The following FUT8 variants were observed in gnomAD, a reference collection of about 807,000 sequenced individuals.
FUT8 encodes the protein fucosyltransferase 8.
A neutral mutation model predicts 71.3 loss-of-function variants in FUT8; 29 were observed. That is an observed-to-expected ratio of 0.41 (90% CI 0.30 to 0.55). The LOEUF is 0.55. FUT8 is among the 20% of genes least tolerant of loss of function. FUT8 has a pLI of 0.34. For missense variants in FUT8, 544 were observed against 702.1 expected (o/e 0.77, Z 2.55); for synonymous variants, 254 against 239.3 (o/e 1.06, Z -0.57).
Position 65,616,470 on chromosome 14 carries a change from A to T in FUT8, c.482+97A>T, listed in dbSNP as rs1889291645. On this transcript the variant is annotated intron_variant, in intron 5 of 10. Coordinates refer to ENST00000673929, the MANE Select transcript of FUT8 (RefSeq NM_001371533.1). ...TTAATCCATCTGTTGAGTGGTAAAT[A>T]TTAATAGCACCTACAATATTTAAGA... The T allele has an allele frequency of 4.8e-6, 5 of 1,050,738 alleles. 1 individual carries two copies. Among genetic ancestry groups the T allele is most frequent in the South Asian group, 4.1e-5 (2 of 49,088 alleles). 65.1% of individuals were successfully genotyped at this position (1,050,738 alleles called of 1,614,324 possible).
In FUT8 at chr14:65,618,249, T is replaced by C. The variant is rs73286182; in HGVS notation, c.482+1876T>C. On this transcript the variant is annotated intron_variant, in intron 5 of 10. Coordinates refer to ENST00000673929, the MANE Select transcript of FUT8 (RefSeq NM_001371533.1). ...AATTATTTTGTAAATAATAATATAA[T>C]TTGTTTATATAACTCGCATATGTTT... Among the ~76,000 whole-genome samples the C allele has an allele frequency of 9.3e-3, 1,414 of 151,694 alleles. 22 individuals are homozygous for C. The highest frequency in any genetic ancestry group is 0.033 in the African/African-American group (1,346 of 41,382).
intron 2 of FUT8, among the ~76,000 whole-genome samples, chr14:65,485,419 T>A (rs2066394618): frequency 6.6e-6 from 1 of 152,198 alleles, no homozygotes; most frequent in African/African-American, 2.4e-5. Flanking sequence ...ATGATTTTTT[T>A]AAGAGGCCTG....
chr14:65,683,588 C>T (rs1244209790), intron 7 of FUT8, among the ~76,000 whole-genome samples: 2 of 152,040 alleles, frequency 1.3e-5, no homozygotes, highest in African/African-American at 4.8e-5. Flanking sequence ...AAATATTAAA[C>T]TACATTGGGA....
At chr14:65,440,455 A>G (rs2065636528) in intron 1 of FUT8, among the ~76,000 whole-genome samples, 1 of 151,388 alleles carries the variant, frequency 6.6e-6, no homozygotes, top group South Asian at 2.1e-4. Context: ...AGCTGGGATT[A>G]CAGACATATG....
intron 2 of FUT8, among the ~76,000 whole-genome samples, chr14:65,457,043 CT>C (rs1378829816): frequency 7.9e-5 from 12 of 152,040 alleles, no homozygotes; most frequent in Middle Eastern, 6.8e-3. Context: ...GAATTATTCT[CT>C]TCCCTAGCTA....
chr14:65,505,635 T>A (rs1184341447), intron 2 of FUT8, among the ~76,000 whole-genome samples: 1 of 152,104 alleles, frequency 6.6e-6, no homozygotes, highest in Non-Finnish European at 1.5e-5. Context: ...TATTTAGACT[T>A]TGTTTTGGAG....
chr14:65,377,101 G>A, the FUT8 span, among the ~76,000 whole-genome samples: 1,864 of 152,302 alleles, frequency 0.012, 16 homozygotes, highest in Middle Eastern at 0.024. Flanking sequence ...CCAGCATGGA[G>A]TGTTATTGAG....
At position 65,660,347 on chromosome 14, in the gene FUT8, T is replaced by C. The variant is rs1467683721; in HGVS notation, c.598-8896T>C. Among the ~76,000 whole-genome samples the C allele has an allele frequency of 6.6e-6, 1 of 152,198 alleles. No individual in the cohort carries two copies. Among genetic ancestry groups the C allele is most frequent in the East Asian group, 1.9e-4 (1 of 5,202 alleles). On this transcript the variant is annotated intron_variant, in intron 6 of 10. Coordinates refer to ENST00000673929, the MANE Select transcript of FUT8 (RefSeq NM_001371533.1). This position sits in a 1 kb window ranked among gnomAD's most constrained non-coding sequence, Gnocchi z 4.1. ...ATCTTTTAAAAATGACTTTAAAGCATTTAATAGAGACTTTCAGGTAAAGAG... is the reference window on the plus strand; with the variant it reads ...ATCTTTTAAAAATGACTTTAAAGCACTTAATAGAGACTTTCAGGTAAAGAG...
Position 65,607,425 on chromosome 14 carries a change from T to C in FUT8, c.204-8553T>C, listed in dbSNP as rs1300635254. 1.3e-5 allele frequency among the ~76,000 whole-genome samples: 2 copies of C among 151,976 alleles called. No individual in the cohort carries two copies. Among genetic ancestry groups the C allele is most frequent in the African/African-American group, 4.8e-5 (2 of 41,442 alleles). ...TGAATAAGTATTAAATTTTATCTAA[T>C]GATTTTTTGTTTCCATTGAGATTGT... On this transcript the variant is annotated intron_variant, in intron 3 of 10. Coordinates refer to ENST00000673929, the MANE Select transcript of FUT8 (RefSeq NM_001371533.1). The surrounding 1 kb of genome is among the most constrained non-coding windows in gnomAD (Gnocchi z 4.1).
intron 2 of FUT8, among the ~76,000 whole-genome samples, chr14:65,509,232 T>G (rs999183944): frequency 2.6e-5 from 4 of 152,194 alleles, no homozygotes; most frequent in African/African-American, 9.7e-5. Flanking sequence ...ATGAGTTCAC[T>G]GTAGGCGTGT....
intron 3 of FUT8, among the ~76,000 whole-genome samples, chr14:65,586,721 T>C (rs528504438): frequency 6.6e-6 from 1 of 152,368 alleles, no homozygotes; most frequent in African/African-American, 2.4e-5. Flanking sequence ...CATTTGAAAT[T>C]GAGGAACTCA....
At chr14:65,455,376 G>A (rs1002151782) in intron 1 of FUT8, among the ~76,000 whole-genome samples, 14 of 152,316 alleles carry the variant, frequency 9.2e-5, no homozygotes, top group African/African-American at 2.2e-4. Flanking sequence ...CTTATTGTAA[G>A]TTGAACTATG....
At chr14:65,382,418 C>A in the FUT8 span, among the ~76,000 whole-genome samples, 53 of 152,126 alleles carry the variant, frequency 3.5e-4, no homozygotes, top group Non-Finnish European at 7.3e-5. Context: ...CTCACTGAAA[C>A]CTTCGCCTCC....
At chr14:65,721,244 T>TAAAAAAAA (rs34050977) in intron 7 of FUT8, among the ~76,000 whole-genome samples, 1 of 146,862 alleles carries the variant, frequency 6.8e-6, no homozygotes, top group African/African-American at 2.5e-5. Flanking sequence ...TCCAATAGAT[T>TAAAAAAAA]AAAAAAAAAA....
At chr14:65,572,875 A>G (rs1472943687) in intron 3 of FUT8, among the ~76,000 whole-genome samples, 3 of 152,192 alleles carry the variant, frequency 2.0e-5, no homozygotes, top group Non-Finnish European at 2.9e-5. Context: ...TCTTACAGTA[A>G]TTGAAAGATT....
chr14:65,438,251 A>G (rs1217006696), intron 1 of FUT8, among the ~76,000 whole-genome samples: 1 of 151,318 alleles, frequency 6.6e-6, no homozygotes, highest in African/African-American at 2.4e-5. Flanking sequence ...TTGACCTGTT[A>G]CAACAGAAAT....
rs57228058 is a variant in FUT8, at chr14:65,742,737, G to A, written c.*327G>A. On this transcript the variant is annotated 3_prime_UTR_variant, in exon 11 of 11. Transcript: ENST00000673929. ...CATATTGTGTAATTTAAGTGACACA[G>A]ACATTTTGTGTGAGACTTAAAACAT... The A allele has an allele frequency of 6.0e-3, 1,360 of 226,254 alleles. 7 individuals carry two copies. Among genetic ancestry groups the A allele is most frequent in the African/African-American group, 0.023 (1,041 of 44,710 alleles). 14.0% of individuals were successfully genotyped at this position (226,254 alleles called of 1,614,324 possible).
rs560288895 is a variant in FUT8 at position 65,715,852 on chromosome 14, T to C, written c.836-5923T>C. Reference sequence around the variant, plus strand: ...GAGGCTGAGTACAGTGGCACATACCTTGTGGTCCTAGCTACTCAGGAGGCT... The same window carrying C: ...GAGGCTGAGTACAGTGGCACATACCCTGTGGTCCTAGCTACTCAGGAGGCT... On this transcript the variant is annotated intron_variant, in intron 7 of 10. Coordinates refer to ENST00000673929, the MANE Select transcript of FUT8 (RefSeq NM_001371533.1). 1.3e-5 allele frequency among the ~76,000 whole-genome samples: 2 copies of C among 152,216 alleles called. 1 individual carries two copies. The highest frequency in any genetic ancestry group is 3.9e-4 in the East Asian group (2 of 5,190).
intron 5 of FUT8, 62 bp from the exon 6 acceptor site, chr14:65,629,430 T>C: frequency 9.9e-7 from 1 of 1,009,904 alleles, no homozygotes; most frequent in Non-Finnish European, 1.5e-6. Flanking sequence ...TTCTTAAGAC[T>C]TTGTGTAATC....
Sources: gnomAD v4.1 joint callset for allele counts (sites outside exome capture counted in the v4.1 genomes callset) on GRCh38, gnomAD v4.1.1 for gene constraint, Gnocchi (gnomAD v3.1) non-coding constraint, MANE v1.5 for transcripts, NCBI Gene and HGNC (gene_info 2026-07-23, HGNC 2026-07-21) for gene names.